The following UBE2E2 variants were observed in gnomAD, a reference collection of about 807,000 sequenced individuals.
UBE2E2 encodes ubiquitin-conjugating enzyme E2 E2.
In UBE2E2, 6 loss-of-function variants were observed where a neutral mutation model predicts 24.7. The observed-to-expected ratio is 0.24, with a 90% CI of 0.13 to 0.48. The LOEUF (loss-of-function observed/expected upper bound fraction) is 0.48. Ranked by LOEUF, UBE2E2 falls within the 20% of genes least tolerant of loss-of-function variation. The pLI, the probability that UBE2E2 is intolerant of heterozygous loss-of-function variation, is 0.99. For missense variants in UBE2E2, 169 were observed against 245.0 expected, an observed-to-expected ratio of 0.69 and a Z score of 2.07; for synonymous variants, 104 against 83.6, an observed-to-expected ratio of 1.24 and a Z score of -1.33.
intron 4 of UBE2E2, among the ~76,000 whole-genome samples, chr3:23,528,311 G>A (rs1278849819): frequency 6.6e-6 from 1 of 152,160 alleles, no homozygotes; most frequent in South Asian, 2.1e-4. Context: ...TTGGTTCTTA[G>A]TCTTATTTGG....
At chr3:23,302,405 C>T (rs1406267630) in intron 3 of UBE2E2, among the ~76,000 whole-genome samples, 3 of 152,138 alleles carry the variant, frequency 2.0e-5, no homozygotes, top group Admixed American at 2.0e-4. Flanking sequence ...TGCAATTTCC[C>T]CACCACTAAA....
chr3:23,429,736 C>A (rs1209277015), intron 3 of UBE2E2, among the ~76,000 whole-genome samples: 1 of 152,190 alleles, frequency 6.6e-6, no homozygotes, highest in Non-Finnish European at 1.5e-5. Context: ...ATTAGACTTT[C>A]TTCACAAATC....
chr3:23,322,499 T>C (rs1234129726), intron 3 of UBE2E2, among the ~76,000 whole-genome samples: 1 of 152,142 alleles, frequency 6.6e-6, no homozygotes, highest in Non-Finnish European at 1.5e-5. Flanking sequence ...CACAAAGTAT[T>C]TTAAAAATTA....
intron 5 of UBE2E2, among the ~76,000 whole-genome samples, chr3:23,558,543 T>C (rs959680177): frequency 2.2e-5 from 3 of 134,766 alleles, no homozygotes; most frequent in African/African-American, 5.7e-5. Context: ...TACCAACTTA[T>C]CAGCAGATTT....
At chr3:23,406,706 G>C (rs532939451) in intron 3 of UBE2E2, among the ~76,000 whole-genome samples, 1 of 152,124 alleles carries the variant, frequency 6.6e-6, no homozygotes, top group Non-Finnish European at 1.5e-5. Context: ...TGTGTTCTGT[G>C]ACCATGACAA....
intron 3 of UBE2E2, among the ~76,000 whole-genome samples, chr3:23,266,753 T>G (rs1698060466): frequency 6.6e-6 from 1 of 152,114 alleles, no homozygotes; most frequent in Non-Finnish European, 1.5e-5. Flanking sequence ...GAATATACAT[T>G]CTTTTCAGCA....
intron 3 of UBE2E2, among the ~76,000 whole-genome samples, chr3:23,444,480 C>A (rs1260455274): frequency 6.6e-6 from 1 of 152,212 alleles, no homozygotes; most frequent in Non-Finnish European, 1.5e-5. Context: ...GTCAGAACCT[C>A]TACCTTAGTA....
chr3:23,305,834 C>G (rs1194846854), intron 3 of UBE2E2, among the ~76,000 whole-genome samples: 1 of 152,150 alleles, frequency 6.6e-6, no homozygotes, highest in Non-Finnish European at 1.5e-5. Flanking sequence ...GGCTCAAGCT[C>G]TCCTCTTGCC....
intron 3 of UBE2E2, among the ~76,000 whole-genome samples, chr3:23,391,220 C>CATT (rs759564201): frequency 9.2e-5 from 14 of 152,200 alleles, no homozygotes; most frequent in Admixed American, 8.5e-4. Context: ...TTCTTATCTA[C>CATT]ATTATAAGTT....
At chr3:23,351,380 A>G (rs568099979) in intron 3 of UBE2E2, among the ~76,000 whole-genome samples, 1 of 152,356 alleles carries the variant, frequency 6.6e-6, no homozygotes, top group East Asian at 1.9e-4. Context: ...AAATTCACAC[A>G]TAACAATATT....
intron 3 of UBE2E2, among the ~76,000 whole-genome samples, chr3:23,289,860 T>C (rs1698714568): frequency 1.3e-5 from 2 of 152,208 alleles, no homozygotes; most frequent in Admixed American, 1.3e-4. Context: ...ATTTCTACCG[T>C]AGGAACAGAA....
intron 3 of UBE2E2, among the ~76,000 whole-genome samples, chr3:23,338,318 T>A (rs1045282245): frequency 1.3e-5 from 2 of 152,212 alleles, no homozygotes; most frequent in Non-Finnish European, 2.9e-5. Flanking sequence ...GAGTTAATTT[T>A]TTTAACATCA....
intron 3 of UBE2E2, among the ~76,000 whole-genome samples, chr3:23,299,285 C>T (rs1424137121): frequency 6.6e-6 from 1 of 152,132 alleles, no homozygotes; most frequent in Non-Finnish European, 1.5e-5. Flanking sequence ...CTATTTCCTT[C>T]AGTTCTGCTC....
intron 4 of UBE2E2, among the ~76,000 whole-genome samples, chr3:23,509,542 T>G (rs1694537219): frequency 1.3e-5 from 2 of 152,178 alleles, no homozygotes; most frequent in African/African-American, 4.8e-5. Flanking sequence ...TTATGGCAAG[T>G]GATCAAATTT....
intron 5 of UBE2E2, among the ~76,000 whole-genome samples, chr3:23,538,331 C>G (rs917123736): frequency 2.6e-5 from 4 of 152,136 alleles, no homozygotes; most frequent in Admixed American, 2.6e-4. Context: ...ATCAATACTT[C>G]CAAATATGGA....
chr3:23,209,540 G>T (rs1696259265), intron 2 of UBE2E2, among the ~76,000 whole-genome samples: 1 of 152,142 alleles, frequency 6.6e-6, no homozygotes, highest in Admixed American at 6.5e-5. Flanking sequence ...TAAATTAAAT[G>T]TAGTGTCTTT....
chr3:23,356,923 C>G (rs1270119107), intron 3 of UBE2E2, among the ~76,000 whole-genome samples: 1 of 152,218 alleles, frequency 6.6e-6, no homozygotes, highest in Non-Finnish European at 1.5e-5. Context: ...GTTTATTTCT[C>G]CTCACACAGA....
intron 1 of UBE2E2, among the ~76,000 whole-genome samples, chr3:23,205,982 A>G (rs1192992052): frequency 6.6e-6 from 1 of 152,232 alleles, no homozygotes; most frequent in Non-Finnish European, 1.5e-5. Context: ...GTTATACACA[A>G]CTGAAACTCT....
chr3:23,298,360 T>C lies in UBE2E2; in HGVS notation c.227+81048T>C, dbSNP rs1263192786. Among the ~76,000 whole-genome samples, 14 of 151,944 alleles carry C rather than the reference T, an allele frequency of 9.2e-5. 1 individual carries two copies. Among genetic ancestry groups the C allele is most frequent in the Admixed American group, 9.2e-4 (14 of 15,254 alleles). On this transcript the variant is annotated intron_variant, in intron 3 of 5. Coordinates refer to ENST00000396703, the MANE Select transcript of UBE2E2 (RefSeq NM_152653.4). The stretch of plus-strand genomic sequence containing the variant: ...GTGGTGAGAGAGGGCATCCCTGTCT[T>C]GTGCCAGTTTTCAAAGGGAATGCTT...
Sources: allele counts gnomAD v4.1 joint callset (sites outside exome capture counted in the v4.1 genomes callset), GRCh38; gene constraint gnomAD v4.1.1; transcripts MANE v1.5; gene names NCBI Gene and HGNC (gene_info 2026-07-23, HGNC 2026-07-21).